Variants in CNTNAP2 observed in about 807,000 individuals in gnomAD.
The protein encoded by CNTNAP2 is contactin associated protein 2, also known as contactin-associated protein-like 2.
In CNTNAP2, 98 loss-of-function variants were observed where a neutral mutation model predicts 155.2. That is an observed-to-expected ratio of 0.63 (90% CI 0.54 to 0.75). The LOEUF (loss-of-function observed/expected upper bound fraction) is 0.75, where lower values mean the gene tolerates loss of function less well. Ranked by LOEUF, CNTNAP2 falls within the 30% of genes least tolerant of loss-of-function variation. CNTNAP2 has a pLI of 0.00. For missense variants in CNTNAP2, 1,727 were observed against 1,688.1 expected, an observed-to-expected ratio of 1.02 and a Z score of -0.40; for synonymous variants, 651 against 631.2, an observed-to-expected ratio of 1.03 and a Z score of -0.47.
chr7:148,032,457 G>T (rs536667266), intron 15 of CNTNAP2, among the ~76,000 whole-genome samples: 1 of 152,148 alleles, frequency 6.6e-6, no homozygotes, highest in African/African-American at 2.4e-5. Flanking sequence ...AGGAGCTACC[G>T]TGCTGGAGCC....
chr7:146,329,828 C>T (rs1465475265), intron 1 of CNTNAP2, among the ~76,000 whole-genome samples: 8 of 152,076 alleles, frequency 5.3e-5, no homozygotes, highest in Non-Finnish European at 1.2e-4. Flanking sequence ...TGAATAGCCA[C>T]ATTACTTCCC....
intron 1 of CNTNAP2, among the ~76,000 whole-genome samples, chr7:146,192,924 C>G (rs1798726817): frequency 6.6e-6 from 1 of 152,174 alleles, no homozygotes; most frequent in Admixed American, 6.5e-5. Context: ...GGTAAATACA[C>G]CTGTTCCAAA....
intron 21 of CNTNAP2, among the ~76,000 whole-genome samples, chr7:148,313,824 A>G (rs940742985): frequency 1.1e-4 from 16 of 152,180 alleles, no homozygotes; most frequent in Admixed American, 8.5e-4. Context: ...TTTAGGGTCT[A>G]GGGCTATAAA....
At chr7:148,349,084 C>T (rs1798372865) in intron 21 of CNTNAP2, among the ~76,000 whole-genome samples, 1 of 152,064 alleles carries the variant, frequency 6.6e-6, no homozygotes, top group African/African-American at 2.4e-5. Context: ...TTTTATGGAG[C>T]TGACTTGCTG....
At chr7:147,441,606 G>A (rs1281476622) in intron 10 of CNTNAP2, among the ~76,000 whole-genome samples, 3 of 152,028 alleles carry the variant, frequency 2.0e-5, no homozygotes, top group Non-Finnish European at 4.4e-5. Context: ...TCCTTCTTGG[G>A]AAGGCTTTCC....
At chr7:147,707,915 G>A (rs1796340802) in intron 13 of CNTNAP2, among the ~76,000 whole-genome samples, 2 of 152,272 alleles carry the variant, frequency 1.3e-5, no homozygotes, top group East Asian at 1.9e-4. Flanking sequence ...CACAGAAGGA[G>A]TACCCTGGTG....
intron 14 of CNTNAP2, chr7:147,939,996 A>C (rs1394774826): frequency 6.6e-6 from 1 of 152,124 alleles, no homozygotes; most frequent in Admixed American, 6.6e-5. Flanking sequence ...CTTTAAAATT[A>C]CTTTAGAGCC....
At chr7:147,408,496 C>T (rs1165421879) in intron 10 of CNTNAP2, among the ~76,000 whole-genome samples, 6 of 152,336 alleles carry the variant, frequency 3.9e-5, no homozygotes, top group African/African-American at 1.4e-4. Flanking sequence ...TGTGGTGGCT[C>T]ACGCCTCTAA....
intron 8 of CNTNAP2, among the ~76,000 whole-genome samples, chr7:147,164,342 A>C (rs572304817): frequency 6.6e-6 from 1 of 152,334 alleles, no homozygotes; most frequent in South Asian, 2.1e-4. Context: ...CTTGTCTTAC[A>C]ATGCATAAAC....
At chr7:147,538,651 A>T (rs951734500) in intron 11 of CNTNAP2, among the ~76,000 whole-genome samples, 16 of 151,464 alleles carry the variant, frequency 1.1e-4, no homozygotes, top group South Asian at 2.1e-4. Context: ...TTATATATAT[A>T]AAAAAAAATC....
chr7:147,035,634 G>A (rs1410778579), intron 3 of CNTNAP2, among the ~76,000 whole-genome samples: 1 of 152,118 alleles, frequency 6.6e-6, no homozygotes, highest in East Asian at 1.9e-4. Flanking sequence ...TGTCAGTAGC[G>A]AAAAGCTCTT....
At chr7:147,911,121 C>T (rs899448929) in intron 14 of CNTNAP2, among the ~76,000 whole-genome samples, 18 of 152,028 alleles carry the variant, frequency 1.2e-4, no homozygotes, top group Admixed American at 3.3e-4. Context: ...TCCCCATTTC[C>T]CTCTCCTCCT....
At chr7:147,078,760 T>C (rs955193920) in intron 4 of CNTNAP2, among the ~76,000 whole-genome samples, 4 of 152,076 alleles carry the variant, frequency 2.6e-5, no homozygotes, top group Admixed American at 6.6e-5. Context: ...TTTAATTTTT[T>C]TTTTTTTGAG....
At chr7:146,659,853 T>C (rs1055409431) in intron 1 of CNTNAP2, among the ~76,000 whole-genome samples, 1 of 152,196 alleles carries the variant, frequency 6.6e-6, no homozygotes, top group Non-Finnish European at 1.5e-5. Flanking sequence ...ATGCAAGAAC[T>C]CCATAGTGGG....
At chr7:148,054,668 A>G (rs945647902) in intron 15 of CNTNAP2, among the ~76,000 whole-genome samples, 1 of 152,036 alleles carries the variant, frequency 6.6e-6, no homozygotes, top group African/African-American at 2.4e-5. Flanking sequence ...GGATGTGTTC[A>G]CATGGTCAAT....
chr7:147,465,196 A>G lies in CNTNAP2; in HGVS notation c.1671-20739A>G, dbSNP rs542058755. ...GACAAGAGGACATGGTTGAAAAACT[A>G]CCTACGGAAAACTTTATTTATTATT... On this transcript the variant is annotated intron_variant, in intron 10 of 23. Coordinates refer to ENST00000361727, the MANE Select transcript of CNTNAP2 (RefSeq NM_014141.6). Among the ~76,000 whole-genome samples the G allele has an allele frequency of 2.0e-5, 3 of 152,320 alleles. No individual in the cohort carries two copies. In the East Asian group the frequency reaches 5.8e-4, roughly 29 times the overall value.
At chr7:146,896,733 C>T (rs901820499) in intron 3 of CNTNAP2, among the ~76,000 whole-genome samples, 2 of 151,840 alleles carry the variant, frequency 1.3e-5, no homozygotes, top group African/African-American at 4.8e-5. Context: ...TAAGCTTTTG[C>T]TTAAATAATT....
Position 148,177,321 on chromosome 7 carries a change from G to C in CNTNAP2, c.3010+4843G>C, listed in dbSNP as rs147154075. Among the ~76,000 whole-genome samples the C allele has an allele frequency of 8.0e-4, 122 of 152,282 alleles. 1 individual carries two copies. In the East Asian group the frequency reaches 0.012, roughly 15 times the overall value. On this transcript the variant is annotated intron_variant, in intron 18 of 23. Coordinates refer to ENST00000361727, the MANE Select transcript of CNTNAP2 (RefSeq NM_014141.6). ...GAAGAGGAGGGGGCACAGAGGTACT[G>C]ACAGACATAGAAGGAAAGCCATGTG...
chr7:146,679,347 C>CTTTTTT lies in CNTNAP2; in HGVS notation c.98-94909_98-94904dup, dbSNP rs34541415. Among the ~76,000 whole-genome samples, 89 of 106,946 alleles carry CTTTTTT rather than the reference C, an allele frequency of 8.3e-4. 6 individuals carry two copies. The highest frequency in any genetic ancestry group is 1.9e-3 in the African/African-American group (51 of 26,710). 70.2% of individuals were successfully genotyped at this position (106,946 alleles called of 152,430 possible). ...CCATGCAAAGGACATGATCTTGTTT[C>CTTTTTT]TTTTTTTTTTTTTTTTTTTTGGAGA... On this transcript the variant is annotated intron_variant, in intron 1 of 23. Transcript: ENST00000361727.
Sources: gnomAD v4.1 joint callset for allele counts (sites outside exome capture counted in the v4.1 genomes callset) on GRCh38, gnomAD v4.1.1 for gene constraint, MANE v1.5 for transcripts, NCBI Gene and HGNC (gene_info 2026-07-23, HGNC 2026-07-21) for gene names.